GRK3: variants seen among roughly 807,000 people sequenced by gnomAD.
GRK3 encodes the protein adrenergic, beta, receptor kinase 2.
In GRK3, 54 loss-of-function variants were observed where a neutral mutation model predicts 95.7. The ratio of observed to expected loss-of-function variants is 0.56; its 90% CI spans 0.45 to 0.71. The LOEUF (loss-of-function observed/expected upper bound fraction) is 0.71, where lower values mean the gene tolerates loss of function less well. Ranked by LOEUF, GRK3 falls within the 30% of genes least tolerant of loss-of-function variation. The pLI, the probability that GRK3 is intolerant of heterozygous loss-of-function variation, is 0.00. For synonymous variants in GRK3, 281 were observed against 290.8 expected (o/e 0.97, Z 0.34); for missense variants, 649 against 851.2 (o/e 0.76, Z 2.96).
At chr22:25,663,952 G>C (rs775300153) in intron 5 of GRK3, among the ~76,000 whole-genome samples, 5 of 152,164 alleles carry the variant, frequency 3.3e-5, no homozygotes, top group Non-Finnish European at 7.3e-5. Context: ...GTAACATTAT[G>C]TTCTAGAAAT....
rs535367039 is a variant in GRK3, at chr22:25,638,517, A to G, written c.191-6075A>G. On this transcript the variant is annotated intron_variant, in intron 2 of 20. Coordinates refer to ENST00000324198, the MANE Select transcript of GRK3 (RefSeq NM_005160.4). ...CCATCAGCAAGCACCTCAGTCGGTC[A>G]TAGTTCTGTACCTGGTGGGATGACT... Among the ~76,000 whole-genome samples the G allele has an allele frequency of 2.9e-3, 441 of 152,314 alleles. 2 individuals carry two copies. The highest frequency in any genetic ancestry group is 5.0e-3 in the Non-Finnish European group (339 of 68,032).
intron 1 of GRK3, among the ~76,000 whole-genome samples, chr22:25,580,875 A>G (rs1365862572): frequency 1.3e-5 from 2 of 152,200 alleles, no homozygotes. Flanking sequence ...CTGTAATTCC[A>G]GCACTTTGGG....
In GRK3 at chr22:25,623,975, C is replaced by T. The variant is rs528016515; in HGVS notation, c.190+19522C>T. Among the ~76,000 whole-genome samples the T allele has an allele frequency of 5.3e-5, 8 of 152,296 alleles. 1 individual carries two copies. The South Asian group carries it at 1.7e-3, about 32-fold the overall frequency. ...AGTCAGGATCAGGCACTTCCAATCT[C>T]CAGCTCTTTTCCTGTTATCCGGCAG... On this transcript the variant is annotated intron_variant, in intron 2 of 20. Coordinates refer to ENST00000324198, the MANE Select transcript of GRK3 (RefSeq NM_005160.4).
Position 25,721,235 on chromosome 22 carries a change from A to G in GRK3, c.1792-49A>G, listed in dbSNP as rs182896801. The G allele has an allele frequency of 6.1e-5, 67 of 1,096,150 alleles. No homozygotes were observed. The East Asian group carries it at 1.7e-3, about 27-fold the overall frequency. 67.9% of individuals were successfully genotyped at this position (1,096,150 alleles called of 1,614,324 possible). ...TTGGTAGTTTTTGGTATTACTACTT[A>G]AGAAATCACAAAATAATTTGAATTT... On this transcript the variant is annotated intron_variant, in intron 19 of 20. Coordinates refer to ENST00000324198, the MANE Select transcript of GRK3 (RefSeq NM_005160.4).
chr22:25,727,166 T>C lies in GRK3; in HGVS notation c.*4716T>C, dbSNP rs1398778474. 2.6e-5 allele frequency: 4 copies of C among 152,136 alleles called. No individual in the cohort carries two copies. The highest frequency in any genetic ancestry group is 5.9e-5 in the Non-Finnish European group (4 of 68,034). The allele number at this position is 152,136 out of a possible 1,614,324, so 9.4% of individuals were successfully genotyped here. A position where few individuals can be genotyped will look rare whatever the true frequency, so the allele number is the denominator to read the frequency against. On this transcript the variant is annotated 3_prime_UTR_variant, in exon 21 of 21. Coordinates refer to ENST00000324198, the MANE Select transcript of GRK3 (RefSeq NM_005160.4). ...AAGACCCCATCTCTACAAAAAAAAT[T>C]TTTTTAAGTAATTAACCGTTTAAAT...
At chr22:25,587,807 G>T (rs5760979) in intron 1 of GRK3, among the ~76,000 whole-genome samples, 1 of 147,712 alleles carries the variant, frequency 6.8e-6, no homozygotes, top group Admixed American at 6.7e-5. Context: ...AACCCGTTTC[G>T]CTTGGTTCTC....
At chr22:25,619,043 A>G (rs2084560845) in intron 2 of GRK3, among the ~76,000 whole-genome samples, 1 of 152,240 alleles carries the variant, frequency 6.6e-6, no homozygotes, top group African/African-American at 2.4e-5. Context: ...CCCTTGAAGT[A>G]TAATTTCATT....
chr22:25,689,764 G>A (rs1026016861), intron 11 of GRK3, among the ~76,000 whole-genome samples: 4 of 152,188 alleles, frequency 2.6e-5, no homozygotes, highest in Admixed American at 2.0e-4. Flanking sequence ...TGTCTGTCCT[G>A]TGCTTCATGG....
chr22:25,661,498 C>A, intron 3 of GRK3, 78 bp from the exon 4 acceptor site: 1 of 860,474 alleles, frequency 1.2e-6, no homozygotes, highest in Non-Finnish European at 1.8e-6. Flanking sequence ...GTGGTTTCTG[C>A]CTGGGCCAGT....
intron 16 of GRK3, 116 bp from the exon 17 acceptor site, chr22:25,710,952 T>C (rs2085339075): frequency 4.0e-6 from 2 of 497,178 alleles, no homozygotes; most frequent in Non-Finnish European, 7.1e-6. Context: ...TTGAATGACA[T>C]GCTGCGCAGT....
chr22:25,600,706 C>T (rs111267949), intron 1 of GRK3, among the ~76,000 whole-genome samples: 3,792 of 152,128 alleles, frequency 0.025, 57 homozygotes, highest in Non-Finnish European at 0.028. Context: ...TTTTGGGATC[C>T]GAGGCGGGTC....
At chr22:25,656,400 T>A (rs1234801147) in intron 3 of GRK3, among the ~76,000 whole-genome samples, 1 of 152,174 alleles carries the variant, frequency 6.6e-6, no homozygotes, top group Non-Finnish European at 1.5e-5. Context: ...CCCTCTAGTC[T>A]TGAACTCCTG....
chr22:25,572,651 G>A (rs74535791), intron 1 of GRK3, among the ~76,000 whole-genome samples: 4,009 of 151,958 alleles, frequency 0.026, 60 homozygotes, highest in Middle Eastern at 0.059. Context: ...TATCCATCCC[G>A]TAGGCTCTGG....
chr22:25,709,346 G>A (rs899191261), intron 15 of GRK3, among the ~76,000 whole-genome samples: 7 of 151,964 alleles, frequency 4.6e-5, no homozygotes, highest in African/African-American at 1.7e-4. Flanking sequence ...TAATTTTTTT[G>A]TATTTTTAGT....
Position 25,593,349 on chromosome 22 carries a change from C to CTTTCT in GRK3, c.114-11010_114-11006dup, listed in dbSNP as rs145706483. Among the ~76,000 whole-genome samples the CTTTCT allele has an allele frequency of 8.6e-3, 1,310 of 151,868 alleles. 16 individuals are homozygous for CTTTCT. Among genetic ancestry groups the CTTTCT allele is most frequent in the African/African-American group, 0.024 (1,007 of 41,440 alleles). ...TCCGAAGACTTGCCAGCATCTGTTT[C>CTTTCT]TTTCTTTTCTTTTCTTTTCTTTCTT... is the stretch of plus-strand genomic sequence containing the variant. On this transcript the variant is annotated intron_variant, in intron 1 of 20. Coordinates refer to ENST00000324198, the MANE Select transcript of GRK3 (RefSeq NM_005160.4).
chr22:25,570,358 AG>A (rs1931650877), intron 1 of GRK3, among the ~76,000 whole-genome samples: 1 of 152,224 alleles, frequency 6.6e-6, no homozygotes, highest in African/African-American at 2.4e-5. Flanking sequence ...TATTTAGAAA[AG>A]GGGCCACCTA....
chr22:25,597,489 G>T (rs2084379953), intron 1 of GRK3, among the ~76,000 whole-genome samples: 1 of 152,228 alleles, frequency 6.6e-6, no homozygotes, highest in African/African-American at 2.4e-5. Flanking sequence ...GAGATAATGG[G>T]TATGCTAATT....
intron 5 of GRK3, among the ~76,000 whole-genome samples, chr22:25,666,544 G>A (rs2084942800): frequency 6.6e-6 from 1 of 152,186 alleles, no homozygotes; most frequent in Non-Finnish European, 1.5e-5. Context: ...GACAGGGATA[G>A]TTCTGCAAGT....
intron 1 of GRK3, among the ~76,000 whole-genome samples, chr22:25,574,797 A>G (rs1931832576): frequency 6.6e-6 from 1 of 152,158 alleles, no homozygotes; most frequent in Non-Finnish European, 1.5e-5. Context: ...AGTAACTGGG[A>G]AGAGAATCAT....
Sources: gnomAD v4.1 joint callset for allele counts (sites outside exome capture counted in the v4.1 genomes callset) on GRCh38, gnomAD v4.1.1 for gene constraint, MANE v1.5 for transcripts, NCBI Gene and HGNC (gene_info 2026-07-23, HGNC 2026-07-21) for gene names.